RASSF3: variants seen among roughly 807,000 people sequenced by gnomAD.
RASSF3 encodes ras association domain-containing protein 3.
Under a neutral mutation model 19.9 loss-of-function variants are expected in RASSF3, and 19 were observed. The observed-to-expected ratio is 0.96, with a 90% CI of 0.67 to 1.40. The LOEUF is 1.40. Among genes scored for constraint, RASSF3 ranks in the 40% most tolerant of loss-of-function variants. RASSF3 has a pLI of 0.00. For synonymous variants in RASSF3, 110 were observed against 104.2 expected (o/e 1.06, Z -0.34); for missense variants, 306 against 289.8 (o/e 1.06, Z -0.41).
chr12:64,691,113 C>T (rs550261672), intron 3 of RASSF3, among the ~76,000 whole-genome samples: 91 of 152,290 alleles, frequency 6.0e-4, no homozygotes, highest in South Asian at 3.9e-3. Context: ...CCGCCCACCT[C>T]GGCCTCCCAA....
chr12:64,662,255 CAA>C (rs11331285), intron 1 of RASSF3, among the ~76,000 whole-genome samples: 333 of 140,778 alleles, frequency 2.4e-3, no homozygotes, highest in Middle Eastern at 3.7e-3. Context: ...CCCGTATCTA[CAA>C]AAAAAAAAAA....
At chr12:64,562,460 A>G (rs1221889302) in intron 2 of RASSF3, among the ~76,000 whole-genome samples, 4 of 152,120 alleles carry the variant, frequency 2.6e-5, no homozygotes, top group African/African-American at 9.7e-5. Flanking sequence ...AGTGAATGAA[A>G]TGCACTTCAG....
At chr12:64,660,188 G>A (rs1489626528) in intron 1 of RASSF3, among the ~76,000 whole-genome samples, 5 of 151,848 alleles carry the variant, frequency 3.3e-5, no homozygotes, top group Admixed American at 1.3e-4. Context: ...AAAGTGCTAG[G>A]ATTACAAGTG....
chr12:64,642,394 T>C (rs149982988), intron 1 of RASSF3, among the ~76,000 whole-genome samples: 1,701 of 151,570 alleles, frequency 0.011, 32 homozygotes, highest in African/African-American at 0.04. Flanking sequence ...ACCCTGTCTC[T>C]ACTAAAAATA....
At chr12:64,644,835 A>G (rs1871675502) in intron 1 of RASSF3, among the ~76,000 whole-genome samples, 1 of 152,196 alleles carries the variant, frequency 6.6e-6, no homozygotes, top group South Asian at 2.1e-4. Flanking sequence ...GAATACCCAG[A>G]GGTTTGTGTC....
At chr12:64,551,616 C>G (rs1357992247) in intron 2 of RASSF3, among the ~76,000 whole-genome samples, 4 of 152,148 alleles carry the variant, frequency 2.6e-5, no homozygotes, top group Non-Finnish European at 5.9e-5. Flanking sequence ...ATGTCTACTA[C>G]TTAGCATTGC....
chr12:64,582,269 C>A (rs1245035), intron 2 of RASSF3, among the ~76,000 whole-genome samples: 88,471 of 151,878 alleles, frequency 0.58, 26,131 homozygotes, highest in Non-Finnish European at 0.62. Flanking sequence ...ATCTTTCAGC[C>A]CGTTGCCACC....
chr12:64,543,276 G>A (rs1179443061), downstream of RASSF3, among the ~76,000 whole-genome samples: 1 of 150,632 alleles, frequency 6.6e-6, no homozygotes, highest in Non-Finnish European at 1.5e-5. Flanking sequence ...TAGCACCCGG[G>A]CTAGCAGCTG....
intron 1 of RASSF3, among the ~76,000 whole-genome samples, chr12:64,679,675 A>C (rs1873047736): frequency 1.3e-5 from 2 of 152,178 alleles, no homozygotes; most frequent in African/African-American, 4.8e-5. Flanking sequence ...CAGGAACTGA[A>C]GTGAGCCTGA....
At chr12:64,680,736 C>G (rs1197231524) in intron 1 of RASSF3, among the ~76,000 whole-genome samples, 1 of 152,036 alleles carries the variant, frequency 6.6e-6, no homozygotes, top group Non-Finnish European at 1.5e-5. Flanking sequence ...ACCTCAGCCT[C>G]CCAAGTAGCT....
chr12:64,588,366 A>T (rs1188043930), intron 2 of RASSF3, among the ~76,000 whole-genome samples: 1 of 152,188 alleles, frequency 6.6e-6, no homozygotes, highest in Non-Finnish European at 1.5e-5. Flanking sequence ...TTACAGATTA[A>T]AAACTGGCAT....
At chr12:64,551,255 A>G (rs2136121007) in intron 2 of RASSF3, among the ~76,000 whole-genome samples, 1 of 152,338 alleles carries the variant, frequency 6.6e-6, no homozygotes, top group East Asian at 1.9e-4. Context: ...AATCTCATCC[A>G]TAAAATGTAT....
chr12:64,693,039 CT>C (rs1868306715), intron 4 of RASSF3, among the ~76,000 whole-genome samples: 2 of 151,372 alleles, frequency 1.3e-5, no homozygotes, highest in East Asian at 3.9e-4. Context: ...TATATGATGT[CT>C]TTATTTTGGA....
chr12:64,619,544 T>G (rs956565034), intron 1 of RASSF3, among the ~76,000 whole-genome samples: 14 of 152,180 alleles, frequency 9.2e-5, no homozygotes, highest in African/African-American at 3.4e-4. Context: ...TTGCCTCACT[T>G]GGTTCTTTTT....
intron 2 of RASSF3, among the ~76,000 whole-genome samples, chr12:64,574,433 T>C (rs1197896447): frequency 6.6e-6 from 1 of 152,166 alleles, no homozygotes; most frequent in Non-Finnish European, 1.5e-5. Flanking sequence ...TAACATATAG[T>C]AGATTGCACT....
intron 2 of RASSF3, among the ~76,000 whole-genome samples, chr12:64,579,189 G>A (rs1377162980): frequency 2.2e-4 from 34 of 151,972 alleles, no homozygotes; most frequent in Admixed American, 2.2e-3. Context: ...ACACAACCGT[G>A]TTAGAAAGTC....
chr12:64,546,679 A>G (rs1592396775), downstream of RASSF3, among the ~76,000 whole-genome samples: 1 of 152,206 alleles, frequency 6.6e-6, no homozygotes, highest in South Asian at 2.1e-4. Context: ...GATAAATGCA[A>G]TGGTTCTCAA....
intron 2 of RASSF3, among the ~76,000 whole-genome samples, chr12:64,563,994 G>A (rs1234210800): frequency 6.6e-6 from 1 of 152,182 alleles, no homozygotes; most frequent in South Asian, 2.1e-4. Context: ...ACCCACCCCA[G>A]CTGGGCATGG....
At chr12:64,565,815 G>A (rs538074796) in intron 2 of RASSF3, among the ~76,000 whole-genome samples, 6 of 152,048 alleles carry the variant, frequency 3.9e-5, no homozygotes, top group African/African-American at 7.2e-5. Flanking sequence ...ACCTGGAGGC[G>A]GAGGTTGCAC....
Sources: gnomAD v4.1 joint callset for allele counts (sites outside exome capture counted in the v4.1 genomes callset) on GRCh38, gnomAD v4.1.1 for gene constraint, MANE v1.5 for transcripts, NCBI Gene and HGNC (gene_info 2026-07-23, HGNC 2026-07-21) for gene names.